The following RAD51B variants were observed in gnomAD, a reference collection of about 807,000 sequenced individuals.
RAD51B encodes RAD51 paralog B.
In RAD51B, 38 loss-of-function variants were observed where a neutral mutation model predicts 42.2. That is an observed-to-expected ratio of 0.90 (90% CI 0.70 to 1.18). The LOEUF (loss-of-function observed/expected upper bound fraction) is 1.18, where lower values mean the gene tolerates loss of function less well. Ranked by LOEUF, RAD51B falls within the 50% of genes most tolerant of loss-of-function variation. RAD51B has a pLI of 0.00. For missense variants in RAD51B, 373 were observed against 400.7 expected (o/e 0.93, Z 0.59); for synonymous variants, 154 against 145.2 (o/e 1.06, Z -0.43).
chr14:67,972,524 T>C (rs922145927), intron 7 of RAD51B, among the ~76,000 whole-genome samples: 2 of 152,118 alleles, frequency 1.3e-5, no homozygotes, highest in Non-Finnish European at 2.9e-5. Flanking sequence ...CAAGAGTTTG[T>C]CTCAGCAATA....
At chr14:68,092,999 C>T (rs983707729) in intron 7 of RAD51B, among the ~76,000 whole-genome samples, 50 of 149,450 alleles carry the variant, frequency 3.3e-4, no homozygotes, top group African/African-American at 1.1e-3. Flanking sequence ...TGCTGGATTA[C>T]GTTTATTGAT....
At chr14:67,878,434 G>A (rs1038926692) in intron 5 of RAD51B, among the ~76,000 whole-genome samples, 3 of 151,860 alleles carry the variant, frequency 2.0e-5, no homozygotes, top group African/African-American at 7.3e-5. Flanking sequence ...ATGTTTATAT[G>A]ATTTTTTTCC....
At chr14:68,456,923 C>CTTTTTTTTTTTTTTTTTTTT (rs1176116647) in intron 9 of RAD51B, among the ~76,000 whole-genome samples, 24 of 60,590 alleles carry the variant, frequency 4.0e-4, no homozygotes, top group Non-Finnish European at 4.8e-4. Context: ...TTTTTTTTTG[C>CTTTTTTTTTTTTTTTTTTTT]TTTTTTTGAG....
chr14:67,899,304 C>T lies in RAD51B; in HGVS notation c.756+12100C>T, dbSNP rs1267287017. On this transcript the variant is annotated intron_variant, in intron 7 of 10. Coordinates refer to ENST00000471583, the MANE Select transcript of RAD51B (RefSeq NM_133510.4). Reference sequence around the variant, plus strand: ...GACCTCGTGATCTGCCCACCTTGGCCTCCCAAAGTGCTGGGATTACAGGTG... The same window carrying T: ...GACCTCGTGATCTGCCCACCTTGGCTTCCCAAAGTGCTGGGATTACAGGTG... Among the ~76,000 whole-genome samples the T allele has an allele frequency of 3.3e-5, 5 of 152,060 alleles. No homozygotes were observed. The South Asian group carries it at 6.2e-4, about 19-fold the overall frequency.
At chr14:68,494,559 C>G (rs1884353232) in intron 10 of RAD51B, among the ~76,000 whole-genome samples, 1 of 152,174 alleles carries the variant, frequency 6.6e-6, no homozygotes, top group African/African-American at 2.4e-5. Context: ...AGTGAGGCGT[C>G]AGTCTAGATG....
chr14:68,049,781 C>A (rs945190467), intron 7 of RAD51B, among the ~76,000 whole-genome samples: 1 of 152,216 alleles, frequency 6.6e-6, no homozygotes, highest in African/African-American at 2.4e-5. Flanking sequence ...CCTTAATACC[C>A]ATGCCATCTC....
chr14:68,477,625 T>C, intron 10 of RAD51B, 23 bp from the exon 11 acceptor site: 2 of 1,597,350 alleles, frequency 1.3e-6, no homozygotes, highest in Non-Finnish European at 1.7e-6. Flanking sequence ...TCAAACTTTC[T>C]CTTTTTTTTT....
intron 10 of RAD51B, chr14:68,627,496 C>T (rs1892113952): frequency 6.6e-6 from 1 of 152,194 alleles, no homozygotes; most frequent in African/African-American, 2.4e-5. Context: ...GGGGGAGATC[C>T]ATCTAACCTC....
chr14:68,513,593 G>A (rs1885913789), intron 10 of RAD51B, among the ~76,000 whole-genome samples: 1 of 152,174 alleles, frequency 6.6e-6, no homozygotes, highest in Non-Finnish European at 1.5e-5. Context: ...TTGGCTGACT[G>A]TATACTGTCT....
Position 68,133,124 on chromosome 14 carries a change from A to C in RAD51B, c.757-158760A>C, listed in dbSNP as rs1321174117. ...CATGTATTCAAAGGTTAGCTCAATCAGAAATATTAGAGAAATGAATCTTAT... is the reference window on the plus strand; with the variant it reads ...CATGTATTCAAAGGTTAGCTCAATCCGAAATATTAGAGAAATGAATCTTAT... On this transcript the variant is annotated intron_variant, in intron 7 of 10. Coordinates refer to ENST00000471583, the MANE Select transcript of RAD51B (RefSeq NM_133510.4). Among the ~76,000 whole-genome samples, 5 of 152,238 alleles carry C rather than the reference A, an allele frequency of 3.3e-5. 1 individual carries two copies. Among genetic ancestry groups the C allele is most frequent in the African/African-American group, 1.2e-4 (5 of 41,464 alleles).
At chr14:68,239,001 G>A (rs1448035159) in intron 7 of RAD51B, among the ~76,000 whole-genome samples, 2 of 152,162 alleles carry the variant, frequency 1.3e-5, no homozygotes, top group East Asian at 3.8e-4. Flanking sequence ...GAAATCTTGG[G>A]ACCTTAACAA....
chr14:67,940,056 T>A (rs2331533), intron 7 of RAD51B, among the ~76,000 whole-genome samples: 581 of 8,290 alleles, frequency 0.07, 1 homozygote, highest in East Asian at 0.16. Context: ...ATATATATAT[T>A]TTTTTTTTTT....
At position 67,825,588 on chromosome 14, in the gene RAD51B, A is replaced by C. The variant is rs762450625; in HGVS notation, c.198+11A>C. The C allele has an allele frequency of 6.4e-7, 1 of 1,552,096 alleles. No individual in the cohort carries two copies. The highest frequency in any genetic ancestry group is 8.8e-7 in the Non-Finnish European group (1 of 1,137,202). On this transcript the variant is annotated intron_variant, in intron 3 of 10. Coordinates refer to ENST00000471583, the MANE Select transcript of RAD51B (RefSeq NM_133510.4). ...CCAAAGATGCAAACGGTATATTTAT[A>C]TTTTATTATGATTTGATTATGAATG...
chr14:68,185,001 T>G (rs2079129680), intron 7 of RAD51B, among the ~76,000 whole-genome samples: 3 of 152,194 alleles, frequency 2.0e-5, no homozygotes, highest in African/African-American at 7.2e-5. Context: ...ACCTAAGTGG[T>G]TATAATGTTG....
chr14:67,997,640 G>GT (rs2075407950), intron 7 of RAD51B, among the ~76,000 whole-genome samples: 1 of 152,028 alleles, frequency 6.6e-6, no homozygotes, highest in African/African-American at 2.4e-5. Context: ...GCTTTTACCT[G>GT]TTTTTTGATA....
chr14:68,362,684 C>T (rs770879446), intron 8 of RAD51B, among the ~76,000 whole-genome samples: 1 of 152,032 alleles, frequency 6.6e-6, no homozygotes, highest in Non-Finnish European at 1.5e-5. Flanking sequence ...CCCGTCTCTA[C>T]TAAAAATACA....
chr14:68,235,657 T>C (rs868453861), intron 7 of RAD51B, among the ~76,000 whole-genome samples: 575 of 112,870 alleles, frequency 5.1e-3, no homozygotes, highest in Middle Eastern at 0.041. Flanking sequence ...TGAGCCGAGA[T>C]CCCGCCACTG....
chr14:68,253,151 A>G (rs2080676014), intron 7 of RAD51B, among the ~76,000 whole-genome samples: 1 of 152,104 alleles, frequency 6.6e-6, no homozygotes, highest in Admixed American at 6.5e-5. Flanking sequence ...GCAGAAAAAT[A>G]TAAAGAAGAA....
intron 10 of RAD51B, chr14:68,562,417 C>T (rs1889201920): frequency 3.1e-6 from 3 of 982,980 alleles, no homozygotes; most frequent in South Asian, 9.4e-5. Flanking sequence ...GAGGCCCATA[C>T]AGCCCCCAGT....
Sources: gnomAD v4.1 joint callset for allele counts (sites outside exome capture counted in the v4.1 genomes callset) on GRCh38, gnomAD v4.1.1 for gene constraint, MANE v1.5 for transcripts, NCBI Gene and HGNC (gene_info 2026-07-23, HGNC 2026-07-21) for gene names.